DIP2C: variants seen among roughly 807,000 people sequenced by gnomAD.
DIP2C encodes the protein disco-interacting protein 2 homolog C.
A neutral mutation model predicts 192.4 loss-of-function variants in DIP2C; 33 were observed. The ratio of observed to expected loss-of-function variants is 0.17; its 90% CI spans 0.13 to 0.23. DIP2C has a LOEUF of 0.23. Among genes scored for constraint, DIP2C ranks in the 10% least tolerant of loss-of-function variants. The probability of loss-of-function intolerance (pLI) is 1.00; values close to 1 mark genes in which losing one functional copy is unlikely to be tolerated. For synonymous variants in DIP2C, 979 were observed against 864.1 expected (o/e 1.13, Z -2.33); for missense variants, 1,537 against 2,110.1 (o/e 0.73, Z 5.32).
chr10:650,252 A>T (rs1413827534), intron 1 of DIP2C: 1 of 716,986 alleles, frequency 1.4e-6, no homozygotes, highest in East Asian at 2.7e-5. Flanking sequence ...CTCAGGAGAC[A>T]GCTGGCCCGA....
chr10:475,508 T>C (rs971249795), intron 2 of DIP2C, among the ~76,000 whole-genome samples: 1 of 152,204 alleles, frequency 6.6e-6, no homozygotes, highest in Non-Finnish European at 1.5e-5. Context: ...TTGGTGCCCA[T>C]GGACGATGGT....
chr10:467,405 T>C (rs1001218624), intron 3 of DIP2C, among the ~76,000 whole-genome samples: 6 of 148,652 alleles, frequency 4.0e-5, no homozygotes, highest in African/African-American at 7.5e-5. Context: ...GTGGGAGGGA[T>C]AGCATTGGGA....
intron 1 of DIP2C, among the ~76,000 whole-genome samples, chr10:577,619 T>C (rs1322280455): frequency 1.3e-5 from 2 of 152,296 alleles, no homozygotes; most frequent in Non-Finnish European, 1.5e-5. Context: ...GCCATCAGCC[T>C]GCTGCTTATT....
chr10:566,145 T>A (rs757376421), intron 1 of DIP2C, among the ~76,000 whole-genome samples: 8 of 152,256 alleles, frequency 5.3e-5, no homozygotes, highest in Non-Finnish European at 1.5e-5. Flanking sequence ...AGGACTTTAG[T>A]AGTTTACATT....
intron 1 of DIP2C, among the ~76,000 whole-genome samples, chr10:507,010 C>T (rs1357381916): frequency 2.0e-5 from 3 of 151,690 alleles, no homozygotes; most frequent in African/African-American, 7.3e-5. Flanking sequence ...ACCCACTGTG[C>T]ACGATAAGAG....
intron 22 of DIP2C, among the ~76,000 whole-genome samples, 179 bp downstream of exon 22, chr10:362,311 C>T (rs1185687146): frequency 6.6e-6 from 1 of 152,220 alleles, no homozygotes; most frequent in Admixed American, 6.5e-5. Flanking sequence ...AAGGCATTTA[C>T]AGCCAGAAGA....
chr10:430,149 C>T (rs528235969), intron 4 of DIP2C: 22 of 152,280 alleles, frequency 1.4e-4, no homozygotes, highest in African/African-American at 4.8e-4. Flanking sequence ...TGATGTGAAG[C>T]GTCATTTCAT....
rs561718292 is a variant in DIP2C, at chr10:456,092, C to T, written c.269-15096G>A. On this transcript the variant is annotated intron_variant, in intron 3 of 36. Coordinates refer to ENST00000280886, the MANE Select transcript of DIP2C (RefSeq NM_014974.3). The stretch of plus-strand genomic sequence containing the variant: ...CTGTGAGGAATAAATGAGATGAAAA[C>T]ACTCTGCAGTGAGTCCCTGCCTGAG... 3.0e-4 allele frequency among the ~76,000 whole-genome samples: 22 copies of T among 73,488 alleles called. 1 individual carries two copies. Among genetic ancestry groups the T allele is most frequent in the African/African-American group, 2.0e-3 (20 of 9,828 alleles). The allele number at this position is 73,488 out of a possible 152,430, so 48.2% of individuals were successfully genotyped here. A position where few individuals can be genotyped will look rare whatever the true frequency, so the allele number is the denominator to read the frequency against.
In DIP2C at chr10:415,905, A is replaced by G. The variant is rs374768497; in HGVS notation, c.740-17T>C. On this transcript the variant is annotated splice_polypyrimidine_tract_variant and intron_variant, in intron 6 of 36. Transcript: ENST00000280886. ...CTGGTACTCCTGAAAAACAGGAATC[A>G]GCGGGTGGGGAAAGCGATCATCACA... The G allele has an allele frequency of 9.3e-6, 15 of 1,613,492 alleles. No homozygotes were observed. In the African/African-American group the frequency reaches 1.7e-4, roughly 19 times the overall value.
chr10:291,403 G>C (rs772691988), intron 32 of DIP2C, among the ~76,000 whole-genome samples: 5 of 152,180 alleles, frequency 3.3e-5, no homozygotes, highest in African/African-American at 4.8e-5. Flanking sequence ...TAAATATCCT[G>C]CTAGCAAATG....
intron 1 of DIP2C, among the ~76,000 whole-genome samples, chr10:562,387 G>A (rs956134541): frequency 1.3e-5 from 2 of 152,240 alleles, no homozygotes; most frequent in African/African-American, 4.8e-5. Context: ...ACTATTTCAA[G>A]GAGGATAATG....
At chr10:444,947 A>G (rs945399135) in intron 3 of DIP2C, among the ~76,000 whole-genome samples, 2 of 152,354 alleles carry the variant, frequency 1.3e-5, no homozygotes, top group Admixed American at 1.3e-4. Flanking sequence ...CATCTACAGC[A>G]TACCTGCTGG....
intron 1 of DIP2C, among the ~76,000 whole-genome samples, chr10:576,313 C>CA (rs1850153177): frequency 6.6e-6 from 1 of 152,338 alleles, no homozygotes; most frequent in Non-Finnish European, 1.5e-5. Context: ...CACACTCGAG[C>CA]ACTCACTGAC....
intron 1 of DIP2C, among the ~76,000 whole-genome samples, chr10:510,626 G>A (rs914812529): frequency 2.6e-5 from 4 of 152,206 alleles, no homozygotes; most frequent in African/African-American, 9.7e-5. Flanking sequence ...GCAGAGCAAT[G>A]GGGATAAGCT....
chr10:384,428 G>T (rs1353446043), intron 15 of DIP2C, 118 bp downstream of exon 15: 2 of 1,037,172 alleles, frequency 1.9e-6, no homozygotes, highest in Admixed American at 4.2e-5. Context: ...AGTAGAAACG[G>T]GGTTTCTCCA....
chr10:278,100 G>A (rs1480796076), intron 36 of DIP2C, among the ~76,000 whole-genome samples: 1 of 151,392 alleles, frequency 6.6e-6, no homozygotes, highest in Non-Finnish European at 1.5e-5. Flanking sequence ...TGAGGGCCAT[G>A]CGTGTGGACG....
rs1428344943 is a variant in DIP2C, at chr10:363,878, TTA to T, written c.2477+494_2477+495del. On this transcript the variant is annotated intron_variant, in intron 20 of 36. Coordinates refer to ENST00000280886, the MANE Select transcript of DIP2C (RefSeq NM_014974.3). The surrounding 1 kb of genome is among the most constrained non-coding windows in gnomAD (Gnocchi z 5.4). ...AACTGAAAAAAGGCTCTAAAACACT[TTA>T]TGACTTCCTCCAGATTGGCAAAAAC... 2.6e-5 allele frequency among the ~76,000 whole-genome samples: 4 copies of T among 152,136 alleles called. No individual in the cohort carries two copies. Among genetic ancestry groups the T allele is most frequent in the African/African-American group, 7.2e-5 (3 of 41,414 alleles).
intron 31 of DIP2C, among the ~76,000 whole-genome samples, chr10:311,843 T>C (rs1320916691): frequency 6.6e-6 from 1 of 152,164 alleles, no homozygotes; most frequent in Non-Finnish European, 1.5e-5. Context: ...GAAGAGGGTG[T>C]AGCAGGTGAC....
intron 31 of DIP2C, among the ~76,000 whole-genome samples, chr10:318,338 A>T (rs1277064930): frequency 6.6e-6 from 1 of 152,198 alleles, no homozygotes; most frequent in African/African-American, 2.4e-5. Context: ...GAGACGATCA[A>T]CCAGTCACAT....
Sources: allele counts gnomAD v4.1 joint callset (sites outside exome capture counted in the v4.1 genomes callset), GRCh38; gene constraint gnomAD v4.1.1; non-coding constraint Gnocchi (gnomAD v3.1); transcripts MANE v1.5; gene names NCBI Gene and HGNC (gene_info 2026-07-23, HGNC 2026-07-21).